IGF2BP2: variants seen among roughly 807,000 people sequenced by gnomAD.
IGF2BP2 encodes insulin like growth factor 2 mRNA binding protein 2.
IGF2BP2 carries 17 observed loss-of-function variants against 75.8 expected under a neutral mutation model. That is an observed-to-expected ratio of 0.22 (90% CI 0.15 to 0.34). IGF2BP2 has a LOEUF of 0.34. Among genes scored for constraint, IGF2BP2 ranks in the 10% least tolerant of loss-of-function variants. The pLI is 1.00. For synonymous variants in IGF2BP2, 288 were observed against 295.6 expected, an observed-to-expected ratio of 0.97 and a Z score of 0.26; for missense variants, 516 against 772.4, an observed-to-expected ratio of 0.67 and a Z score of 3.93.
At chr3:185,657,493 C>T (rs1279753071) in intron 11 of IGF2BP2, 91 bp from the exon 12 acceptor site, 1 of 971,474 alleles carries the variant, frequency 1.0e-6, no homozygotes, top group African/African-American at 1.6e-5. Context: ...ACCATGAACC[C>T]CATGGTGGGA....
chr3:185,676,047 G>A (rs1719298330), intron 7 of IGF2BP2, 134 bp from the exon 8 acceptor site: 1 of 1,151,762 alleles, frequency 8.7e-7, no homozygotes, highest in Admixed American at 2.5e-5. Flanking sequence ...ATTTGGGAGA[G>A]GTCAGGTCCC....
intron 2 of IGF2BP2, among the ~76,000 whole-genome samples, chr3:185,751,650 AAAAG>A (rs1052675975): frequency 1.1e-4 from 17 of 150,766 alleles, no homozygotes; most frequent in African/African-American, 4.1e-4. Context: ...CATCTCAAAA[AAAAG>A]AAAAGAAAGA....
chr3:185,698,276 A>G lies in IGF2BP2; in HGVS notation c.288+23T>C, dbSNP rs375004995. ...GAAGGGAGAAATGTCTCATCAACCC[A>G]TTAAAAATTGACACTGGCTTACCTC... On this transcript the variant is annotated intron_variant, in intron 3 of 15. Transcript: ENST00000382199. 1.6e-5 allele frequency: 26 copies of G among 1,605,712 alleles called. No individual in the cohort carries two copies. In the African/African-American group the frequency reaches 3.2e-4, roughly 20 times the overall value.
intron 2 of IGF2BP2, among the ~76,000 whole-genome samples, chr3:185,783,207 A>G (rs1191561817): frequency 1.3e-5 from 2 of 152,202 alleles, no homozygotes; most frequent in Non-Finnish European, 2.9e-5. Flanking sequence ...GAACAGCAAT[A>G]AAAGTAAATG....
intron 2 of IGF2BP2, among the ~76,000 whole-genome samples, chr3:185,747,061 C>G (rs750293469): frequency 2.0e-5 from 3 of 152,110 alleles, no homozygotes; most frequent in African/African-American, 4.8e-5. Flanking sequence ...AACTCCAAAA[C>G]GAACAATTTC....
chr3:185,705,448 T>C (rs545013107), intron 2 of IGF2BP2, among the ~76,000 whole-genome samples: 2 of 152,144 alleles, frequency 1.3e-5, no homozygotes, highest in Non-Finnish European at 2.9e-5. Context: ...GTAACTTCCC[T>C]GGCTCTATAA....
intron 10 of IGF2BP2, among the ~76,000 whole-genome samples, chr3:185,665,054 A>T: frequency 6.6e-6 from 1 of 151,652 alleles, no homozygotes; most frequent in Non-Finnish European, 1.5e-5. Flanking sequence ...AGTCCCTGCT[A>T]CTCAAGAAGC....
chr3:185,694,553 A>T (rs1722338812), intron 4 of IGF2BP2, among the ~76,000 whole-genome samples: 1 of 152,350 alleles, frequency 6.6e-6, no homozygotes, highest in Non-Finnish European at 1.5e-5. Flanking sequence ...CTGAATCAGG[A>T]ATCACTCATG....
chr3:185,691,224 G>A (rs532251035), intron 5 of IGF2BP2, among the ~76,000 whole-genome samples: 93 of 151,902 alleles, frequency 6.1e-4, no homozygotes, highest in African/African-American at 2.1e-3. Flanking sequence ...TCAGCCTCCC[G>A]AGTAGCTGGG....
intron 2 of IGF2BP2, among the ~76,000 whole-genome samples, chr3:185,743,463 A>G (rs1241119207): frequency 3.9e-5 from 6 of 152,140 alleles, no homozygotes; most frequent in African/African-American, 7.2e-5. Flanking sequence ...TTTAGTAGAA[A>G]TGGGGTTTCA....
chr3:185,720,603 C>CT (rs1726384405), intron 2 of IGF2BP2, among the ~76,000 whole-genome samples: 1 of 152,214 alleles, frequency 6.6e-6, no homozygotes, highest in Admixed American at 6.5e-5. Context: ...CAGCTCTTAA[C>CT]TGGATGTTGG....
chr3:185,754,972 G>T (rs1731421901), intron 2 of IGF2BP2, among the ~76,000 whole-genome samples: 1 of 152,162 alleles, frequency 6.6e-6, no homozygotes, highest in Non-Finnish European at 1.5e-5. Flanking sequence ...AAAATTTGCA[G>T]CCAGGCCCTA....
In IGF2BP2 at chr3:185,692,685, C is replaced by A; in HGVS notation, c.404+14G>T. The A allele has an allele frequency of 6.3e-7, 1 of 1,599,984 alleles. No individual in the cohort carries two copies. The highest frequency in any genetic ancestry group is 8.6e-7 in the Non-Finnish European group (1 of 1,168,602). Reference sequence around the variant, plus strand: ...CAAATAAATTTAAACAGAAATAAGCCCAAATCTGCTTACATTTTTGCTTCT... The same window carrying A: ...CAAATAAATTTAAACAGAAATAAGCACAAATCTGCTTACATTTTTGCTTCT... On this transcript the variant is annotated intron_variant, in intron 5 of 15. Transcript: ENST00000382199.
In IGF2BP2 at chr3:185,696,672, G is replaced by C; in HGVS notation, c.289-9C>G. On this transcript the variant is annotated splice_polypyrimidine_tract_variant and intron_variant, in intron 3 of 15. Coordinates refer to ENST00000382199, the MANE Select transcript of IGF2BP2 (RefSeq NM_006548.6). Reference sequence around the variant, plus strand: ...AAAAGTCCATCCAACACCTAAAAGAGAAAGCTTCCATGTCAGAATGGGAAG... The same window carrying C: ...AAAAGTCCATCCAACACCTAAAAGACAAAGCTTCCATGTCAGAATGGGAAG... 4 of 1,612,910 alleles carry C rather than the reference G, an allele frequency of 2.5e-6. No individual in the cohort carries two copies. The highest frequency in any genetic ancestry group is 3.4e-6 in the Non-Finnish European group (4 of 1,179,192).
intron 2 of IGF2BP2, among the ~76,000 whole-genome samples, chr3:185,774,623 T>C (rs1578259451): frequency 6.9e-6 from 1 of 145,750 alleles, no homozygotes; most frequent in Non-Finnish European, 1.5e-5. Flanking sequence ...GAAAAGAAAG[T>C]AAAAACAACT....
At chr3:185,820,795 A>G (rs952255291) in intron 2 of IGF2BP2, among the ~76,000 whole-genome samples, 1 of 152,216 alleles carries the variant, frequency 6.6e-6, no homozygotes, top group African/African-American at 2.4e-5. Flanking sequence ...TACAAAGAAA[A>G]TGCACTCAAT....
At chr3:185,771,439 C>CGAAAGAGA (rs1733863623) in intron 2 of IGF2BP2, among the ~76,000 whole-genome samples, 1 of 78,370 alleles carries the variant, frequency 1.3e-5, no homozygotes, top group Non-Finnish European at 2.7e-5. Context: ...GACTTCGTCT[C>CGAAAGAGA]AAAAAAAAAA....
rs199971871 is a variant in IGF2BP2, at chr3:185,792,450, C to CA, written c.239+30702dup. Among the ~76,000 whole-genome samples the CA allele has an allele frequency of 1.2e-4, 18 of 151,608 alleles. No individual in the cohort carries two copies. The East Asian group carries it at 1.6e-3, about 13-fold the overall frequency. Reference sequence around the variant, plus strand: ...CGAAACCCCGTCTCTACTAAGAATACAAAAATTATTTTTTTTTTTGTAAAA... The same window carrying CA: ...CGAAACCCCGTCTCTACTAAGAATACAAAAAATTATTTTTTTTTTTGTAAAA... On this transcript the variant is annotated intron_variant, in intron 2 of 15. Transcript: ENST00000382199.
intron 2 of IGF2BP2, among the ~76,000 whole-genome samples, chr3:185,794,263 G>GGGGATCA (rs373922335): frequency 1.5e-5 from 2 of 132,924 alleles, no homozygotes; most frequent in South Asian, 2.4e-4. Context: ...ACCACACCTG[G>GGGGATCA]CCCAGAGCAG....
Sources: gnomAD v4.1 joint callset for allele counts (sites outside exome capture counted in the v4.1 genomes callset) on GRCh38, gnomAD v4.1.1 for gene constraint, MANE v1.5 for transcripts, NCBI Gene and HGNC (gene_info 2026-07-23, HGNC 2026-07-21) for gene names.